TASP1: variants seen among roughly 807,000 people sequenced by gnomAD.
TASP1 encodes taspase 1.
Under a neutral mutation model 56.6 loss-of-function variants are expected in TASP1, and 16 were observed. That is an observed-to-expected ratio of 0.28 (90% CI 0.19 to 0.43). The LOEUF is 0.43. Ranked by LOEUF, TASP1 falls within the 20% of genes least tolerant of loss-of-function variation. The pLI is 1.00. For synonymous variants in TASP1, 179 were observed against 184.2 expected (o/e 0.97, Z 0.23); for missense variants, 393 against 511.6 (o/e 0.77, Z 2.24).
chr20:13,167,557 C>A, the TASP1 span: 2 of 152,106 alleles, frequency 1.3e-5, no homozygotes, highest in Admixed American at 1.3e-4. Context: ...TTGAAAATGA[C>A]CTCAGGAAAG....
the TASP1 span, among the ~76,000 whole-genome samples, chr20:13,169,594 T>C: frequency 3.9e-5 from 6 of 152,312 alleles, no homozygotes; most frequent in African/African-American, 1.4e-4. Context: ...AGGCATTACC[T>C]TGGGCAGGTC....
At chr20:13,540,859 G>A (rs1241667108) in intron 8 of TASP1, among the ~76,000 whole-genome samples, 3 of 151,706 alleles carry the variant, frequency 2.0e-5, no homozygotes, top group Admixed American at 6.6e-5. Flanking sequence ...ATTTTACTGT[G>A]TGTAAATTTT....
chr20:13,569,981 T>G (rs897779177), intron 6 of TASP1, among the ~76,000 whole-genome samples: 1 of 152,106 alleles, frequency 6.6e-6, no homozygotes, highest in African/African-American at 2.4e-5. Flanking sequence ...AGATTTGGCA[T>G]TATTACCTAG....
chr20:13,188,077 A>G, the TASP1 span, among the ~76,000 whole-genome samples: 3 of 152,174 alleles, frequency 2.0e-5, no homozygotes, highest in Non-Finnish European at 2.9e-5. Context: ...CCACGTGAAG[A>G]TGTAGCAAGA....
chr20:13,602,711 T>C (rs2048008421), intron 4 of TASP1, among the ~76,000 whole-genome samples: 1 of 152,040 alleles, frequency 6.6e-6, no homozygotes, highest in African/African-American at 2.4e-5. Context: ...CAGTTCACAA[T>C]AGGGCTCCTG....
At chr20:13,555,315 C>T (rs1291210768) in intron 8 of TASP1, among the ~76,000 whole-genome samples, 3 of 133,932 alleles carry the variant, frequency 2.2e-5, no homozygotes, top group African/African-American at 8.3e-5. Flanking sequence ...ACCTGTGAGG[C>T]GGAGGTTGCA....
chr20:13,351,201 T>C, the TASP1 span, among the ~76,000 whole-genome samples: 1 of 152,220 alleles, frequency 6.6e-6, no homozygotes, highest in Non-Finnish European at 1.5e-5. Context: ...CATGCAGAGC[T>C]ACTGGAACTC....
At chr20:13,139,252 G>A in the TASP1 span, among the ~76,000 whole-genome samples, 4 of 152,192 alleles carry the variant, frequency 2.6e-5, no homozygotes, top group Non-Finnish European at 5.9e-5. Context: ...TACAGACAAT[G>A]AAAGATAAAG....
the TASP1 span, among the ~76,000 whole-genome samples, chr20:13,235,915 T>C: frequency 6.6e-6 from 1 of 151,034 alleles, no homozygotes; most frequent in Non-Finnish European, 1.5e-5. Flanking sequence ...GTGCATAGTA[T>C]ATTGTACTTC....
At chr20:13,444,448 T>C (rs182503577) in intron 11 of TASP1, among the ~76,000 whole-genome samples, 1 of 152,276 alleles carries the variant, frequency 6.6e-6, no homozygotes, top group Non-Finnish European at 1.5e-5. Context: ...ATAAATATAT[T>C]GACACACAGA....
the TASP1 span, among the ~76,000 whole-genome samples, chr20:13,189,936 G>A: frequency 1.3e-5 from 2 of 152,166 alleles, no homozygotes; most frequent in Admixed American, 6.5e-5. Flanking sequence ...TAAAGAAAAT[G>A]TGTTACATAT....
chr20:13,177,177 A>T, the TASP1 span, among the ~76,000 whole-genome samples: 1 of 152,012 alleles, frequency 6.6e-6, no homozygotes, highest in Middle Eastern at 3.4e-3. Context: ...GGAGGCAGAG[A>T]TTGAAGTGAG....
At chr20:13,526,450 T>C (rs780225713) in intron 10 of TASP1, among the ~76,000 whole-genome samples, 1 of 152,194 alleles carries the variant, frequency 6.6e-6, no homozygotes, top group African/African-American at 2.4e-5. Context: ...TACTAAATTA[T>C]GTTCACAGCC....
the TASP1 span, among the ~76,000 whole-genome samples, chr20:13,228,193 G>A: frequency 7.9e-5 from 12 of 151,310 alleles, no homozygotes; most frequent in African/African-American, 1.9e-4. Flanking sequence ...GGCTGGTCTC[G>A]AACTCTTCAT....
intron 13 of TASP1, among the ~76,000 whole-genome samples, chr20:13,410,131 C>T (rs952378640): frequency 1.3e-5 from 2 of 152,202 alleles, no homozygotes; most frequent in African/African-American, 4.8e-5. Context: ...CCACTTCAAT[C>T]CATGCTGTTG....
intron 10 of TASP1, among the ~76,000 whole-genome samples, chr20:13,484,200 C>T (rs2043240448): frequency 1.3e-5 from 2 of 152,218 alleles, no homozygotes; most frequent in Non-Finnish European, 2.9e-5. Flanking sequence ...CACTTGTACA[C>T]TGTTGGTGGG....
intron 11 of TASP1, among the ~76,000 whole-genome samples, chr20:13,481,992 C>G (rs1387827553): frequency 6.6e-6 from 1 of 152,092 alleles, no homozygotes; most frequent in Non-Finnish European, 1.5e-5. Flanking sequence ...GAAATTTTTC[C>G]CAGACCAATG....
At chr20:13,306,269 T>C in the TASP1 span, among the ~76,000 whole-genome samples, 2 of 152,170 alleles carry the variant, frequency 1.3e-5, no homozygotes, top group Non-Finnish European at 2.9e-5. Flanking sequence ...AAAAGGAATT[T>C]TTTTTCTATG....
intron 10 of TASP1, among the ~76,000 whole-genome samples, chr20:13,520,262 G>GA (rs1181629718): frequency 6.6e-6 from 1 of 151,686 alleles, no homozygotes. Flanking sequence ...CACAGAATTG[G>GA]AAAAAACTAC....
Sources: gnomAD v4.1 joint callset for allele counts (sites outside exome capture counted in the v4.1 genomes callset) on GRCh38, gnomAD v4.1.1 for gene constraint, MANE v1.5 for transcripts, NCBI Gene and HGNC (gene_info 2026-07-23, HGNC 2026-07-21) for gene names.